CPS1: variants seen among roughly 807,000 people sequenced by gnomAD.
CPS1 encodes carbamoyl-phosphate synthase [ammonia], mitochondrial.
CPS1 carries 109 observed loss-of-function variants against 174.6 expected under a neutral mutation model. The observed-to-expected ratio is 0.62, with a 90% CI of 0.53 to 0.73. The LOEUF is 0.73. Among genes scored for constraint, CPS1 ranks in the 30% least tolerant of loss-of-function variants. The probability of loss-of-function intolerance (pLI) is 0.00; values close to 1 mark genes in which losing one functional copy is unlikely to be tolerated. For missense variants in CPS1, 1,689 were observed against 1,821.9 expected (o/e 0.93, Z 1.33); for synonymous variants, 637 against 632.0 (o/e 1.01, Z -0.12).
chr2:210,656,894 C>T (rs2105918320), intron 30 of CPS1, among the ~76,000 whole-genome samples: 1 of 152,174 alleles, frequency 6.6e-6, no homozygotes, highest in Admixed American at 6.5e-5. Flanking sequence ...ACCTGGAGAG[C>T]TTGTTAAACA....
intron 6 of CPS1, among the ~76,000 whole-genome samples, chr2:210,586,282 G>T (rs916886116): frequency 3.3e-5 from 5 of 151,902 alleles, no homozygotes; most frequent in African/African-American, 1.2e-4. Context: ...AATTAGATAT[G>T]TAATTACTTA....
chr2:210,566,366 C>G (rs1697303560), intron 1 of CPS1, among the ~76,000 whole-genome samples: 1 of 152,072 alleles, frequency 6.6e-6, no homozygotes, highest in South Asian at 2.1e-4. Context: ...GGCCTAGGAT[C>G]AGTGCAAATT....
intron 1 of CPS1, among the ~76,000 whole-genome samples, chr2:210,484,933 T>G (rs1039128084): frequency 1.3e-5 from 2 of 152,066 alleles, no homozygotes; most frequent in Non-Finnish European, 2.9e-5. Flanking sequence ...TAACAGTTTT[T>G]AAAAATAGAT....
chr2:210,528,275 G>C (rs78886907), intron 1 of CPS1, among the ~76,000 whole-genome samples: 3 of 151,462 alleles, frequency 2.0e-5, no homozygotes, highest in Non-Finnish European at 4.4e-5. Context: ...TGATCCAATT[G>C]CAGTCTCTCT....
chr2:210,588,027 C>A (rs1049458960), intron 6 of CPS1, 31 bp from the exon 7 acceptor site: 1 of 1,601,266 alleles, frequency 6.2e-7, no homozygotes, highest in African/African-American at 1.3e-5. Flanking sequence ...GCTGGGACTT[C>A]CCTCTCATTC....
Position 210,582,535 on chromosome 2 carries a change from T to A in CPS1, c.529-82T>A, listed in dbSNP as rs141636576. 8.2e-5 allele frequency: 78 copies of A among 956,856 alleles called. No individual in the cohort carries two copies. The African/African-American group carries it at 1.2e-3, about 14-fold the overall frequency. The allele number at this position is 956,856 out of a possible 1,614,324, so 59.3% of individuals were successfully genotyped here. On this transcript the variant is annotated intron_variant, in intron 5 of 37. Coordinates refer to ENST00000233072, the MANE Select transcript of CPS1 (RefSeq NM_001875.5). ...AAAGACATCTAAGTCTTGCAGCAGC[T>A]GTTTAAAGTCCCTGTGAGTTTATCT...
chr2:210,650,534 G>A (rs1360902835), intron 28 of CPS1, 96 bp downstream of exon 28: 1 of 915,844 alleles, frequency 1.1e-6, no homozygotes, highest in Non-Finnish European at 1.8e-6. Flanking sequence ...ATCTCTTAAT[G>A]CAACCTTACT....
intron 1 of CPS1, among the ~76,000 whole-genome samples, chr2:210,564,087 G>A (rs1238407419): frequency 6.6e-6 from 1 of 152,058 alleles, no homozygotes; most frequent in East Asian, 1.9e-4. Context: ...TTAATTGTGA[G>A]GAAAATTTAA....
At chr2:210,646,324 T>G (rs903102350) in intron 25 of CPS1, among the ~76,000 whole-genome samples, 1 of 152,188 alleles carries the variant, frequency 6.6e-6, no homozygotes, top group African/African-American at 2.4e-5. Flanking sequence ...AAATTTATAT[T>G]GAACATATTT....
intron 1 of CPS1, among the ~76,000 whole-genome samples, chr2:210,547,760 G>T (rs1226229082): frequency 2.0e-5 from 3 of 151,882 alleles, no homozygotes; most frequent in Non-Finnish European, 4.4e-5. Flanking sequence ...TTATTTAAAG[G>T]TTTATTAGTG....
At chr2:210,565,543 A>G (rs1448369533) in intron 1 of CPS1, among the ~76,000 whole-genome samples, 1 of 152,228 alleles carries the variant, frequency 6.6e-6, no homozygotes, top group East Asian at 1.9e-4. Flanking sequence ...ACATACAAAC[A>G]TAATTTCAAA....
At chr2:210,553,559 G>A (rs5009272), upstream of CPS1, among the ~76,000 whole-genome samples, 69,873 of 151,340 alleles carry the variant, frequency 0.46, 16,727 homozygotes, top group African/African-American at 0.58. Flanking sequence ...CACAAAGAAT[G>A]TACTTCCAAG....
chr2:210,661,351 T>C (rs1424850837), intron 32 of CPS1, among the ~76,000 whole-genome samples: 1 of 152,216 alleles, frequency 6.6e-6, no homozygotes, highest in Non-Finnish European at 1.5e-5. Context: ...GGATTAGTGA[T>C]ATATAAACGT....
chr2:210,521,015 G>A (rs1338118439), intron 1 of CPS1, among the ~76,000 whole-genome samples: 1 of 152,008 alleles, frequency 6.6e-6, no homozygotes, highest in African/African-American at 2.4e-5. Context: ...TTTTCATGAA[G>A]CTTCAAAATT....
chr2:210,516,163 T>G (rs920739076), intron 1 of CPS1, among the ~76,000 whole-genome samples: 1 of 151,752 alleles, frequency 6.6e-6, no homozygotes, highest in Non-Finnish European at 1.5e-5. Flanking sequence ...ATGTGAAAGA[T>G]GTACATTCTA....
chr2:210,668,270 C>T lies in CPS1; in HGVS notation c.4087C>T (p.Leu1363=). The change falls in exon 34 of 38, where the codon CTG becomes TTG. Residue 1363 remains leucine (L), a synonymous_variant. Transcript: ENST00000233072. ...ATTTAAGATACCCCAGAAAGGCATCCTGATAGGCATCCAGGTAAGTGGTTT... is the reference window on the plus strand; with the variant it reads ...ATTTAAGATACCCCAGAAAGGCATCTTGATAGGCATCCAGGTAAGTGGTTT... ...TGFKIPQKGI[L]IGIQQSFRPR... is the part of the protein sequence containing the mutation. 6.2e-7 allele frequency: 1 copy of T among 1,612,898 alleles called. No homozygotes were observed. Among genetic ancestry groups the T allele is most frequent in the South Asian group, 1.1e-5 (1 of 91,054 alleles).
chr2:210,491,625 T>C lies in CPS1; in HGVS notation c.3+13859T>C, dbSNP rs556269890. Among the ~76,000 whole-genome samples the C allele has an allele frequency of 2.6e-5, 4 of 152,254 alleles. No homozygotes were observed. The East Asian group carries it at 5.8e-4, about 22-fold the overall frequency. On this transcript the variant is annotated intron_variant, in intron 1 of 38. Transcript: ENST00000430249. ...ACCGCACCTGGACATGTTTGTTTTTTTCCTGGTGTTCTGAGTGTCCTGTGG... is the reference window on the plus strand; with the variant it reads ...ACCGCACCTGGACATGTTTGTTTTTCTCCTGGTGTTCTGAGTGTCCTGTGG...
upstream of CPS1, among the ~76,000 whole-genome samples, chr2:210,552,876 T>C (rs1696767307): frequency 6.6e-6 from 1 of 152,056 alleles, no homozygotes. Flanking sequence ...AGTATTCAAC[T>C]TCACCAGTGA....
intron 21 of CPS1, chr2:210,618,095 A>T (rs1260228133): frequency 7.9e-5 from 12 of 152,072 alleles, no homozygotes; most frequent in Non-Finnish European, 1.8e-4. Flanking sequence ...AGGCAGGTTG[A>T]GATTCTAACT....
Sources: allele counts gnomAD v4.1 joint callset (sites outside exome capture counted in the v4.1 genomes callset), GRCh38; gene constraint gnomAD v4.1.1; transcripts MANE v1.5; gene names NCBI Gene and HGNC (gene_info 2026-07-23, HGNC 2026-07-21).